The following DCDC1 variants were observed in gnomAD, a reference collection of about 807,000 sequenced individuals.
DCDC1 encodes doublecortin domain containing 1, also known as doublecortin domain-containing protein 1.
In DCDC1, 200 loss-of-function variants were observed where a neutral mutation model predicts 178.3. The observed-to-expected ratio is 1.12, with a 90% CI of 1.00 to 1.26. DCDC1 has a LOEUF of 1.26. Ranked by LOEUF, DCDC1 falls within the 50% of genes most tolerant of loss-of-function variation. DCDC1 has a pLI of 0.00. For missense variants in DCDC1, 1,983 were observed against 1,749.2 expected, an observed-to-expected ratio of 1.13 and a Z score of -2.38; for synonymous variants, 690 against 604.8, an observed-to-expected ratio of 1.14 and a Z score of -2.07.
intron 25 of DCDC1, among the ~76,000 whole-genome samples, chr11:30,918,675 A>G (rs1232855609): frequency 2.6e-5 from 4 of 152,146 alleles, no homozygotes; most frequent in Admixed American, 1.3e-4. Flanking sequence ...AAGGCTATGA[A>G]GCAAGATTAT....
intron 9 of DCDC1, among the ~76,000 whole-genome samples, chr11:31,191,467 C>A (rs1339654562): frequency 6.6e-6 from 1 of 151,974 alleles, no homozygotes; most frequent in African/African-American, 2.4e-5. Flanking sequence ...AGAAGAGAGT[C>A]CTAGAGGTCC....
chr11:31,033,562 A>G (rs1183875808), intron 20 of DCDC1, among the ~76,000 whole-genome samples: 1 of 152,202 alleles, frequency 6.6e-6, no homozygotes, highest in Non-Finnish European at 1.5e-5. Flanking sequence ...GGCTTAAGAT[A>G]AATTCTGAGG....
chr11:30,975,671 T>C lies in DCDC1; in HGVS notation c.2592-23103A>G, dbSNP rs191407022. On this transcript the variant is annotated intron_variant, in intron 20 of 38. Coordinates refer to ENST00000684477, the MANE Select transcript of DCDC1 (RefSeq NM_001387274.1). ...AGATTTAACCAAAGTGAAAGACTTC[T>C]ACAAGGAAAACAACAATACACTGAT... Among the ~76,000 whole-genome samples the C allele has an allele frequency of 3.3e-5, 5 of 152,092 alleles. 1 individual carries two copies. The highest frequency in any genetic ancestry group is 2.6e-4 in the Admixed American group (4 of 15,270).
At chr11:31,082,313 C>T (rs1474406507) in intron 17 of DCDC1, among the ~76,000 whole-genome samples, 1 of 151,890 alleles carries the variant, frequency 6.6e-6, no homozygotes, top group Admixed American at 6.6e-5. Flanking sequence ...AATGATGATA[C>T]TCTTATCACA....
chr11:31,135,432 T>C (rs1461227740), intron 10 of DCDC1, among the ~76,000 whole-genome samples: 3 of 152,338 alleles, frequency 2.0e-5, no homozygotes, highest in Middle Eastern at 3.4e-3. Context: ...AATAGTGTTA[T>C]CTTAAATGCC....
intron 9 of DCDC1, among the ~76,000 whole-genome samples, chr11:31,219,142 A>G (rs539220326): frequency 1.1e-4 from 16 of 152,174 alleles, no homozygotes; most frequent in Non-Finnish European, 1.2e-4. Flanking sequence ...ATTACAAAGC[A>G]AACAATTTAG....
At chr11:31,353,102 A>G (rs546930001) in intron 1 of DCDC1, among the ~76,000 whole-genome samples, 2 of 152,360 alleles carry the variant, frequency 1.3e-5, no homozygotes, top group South Asian at 2.1e-4. Context: ...GACAATACAC[A>G]TAATTTCCAT....
intron 35 of DCDC1, among the ~76,000 whole-genome samples, chr11:30,893,837 T>C (rs1344675099): frequency 6.6e-6 from 1 of 152,208 alleles, no homozygotes; most frequent in Admixed American, 6.5e-5. Context: ...TGAAACCACT[T>C]CTTTAATTCT....
At chr11:31,162,629 T>C (rs569039328) in intron 9 of DCDC1, among the ~76,000 whole-genome samples, 5 of 152,254 alleles carry the variant, frequency 3.3e-5, no homozygotes, top group East Asian at 3.9e-4. Flanking sequence ...AGTCATATCA[T>C]TAACACAGAC....
chr11:30,879,576 T>C (rs531358663), intron 37 of DCDC1, among the ~76,000 whole-genome samples: 2 of 152,308 alleles, frequency 1.3e-5, no homozygotes, highest in East Asian at 1.9e-4. Flanking sequence ...CCTATTGTCA[T>C]AGGAAAGAAA....
chr11:31,206,941 T>C (rs1971935788), intron 9 of DCDC1, among the ~76,000 whole-genome samples: 2 of 152,232 alleles, frequency 1.3e-5, no homozygotes, highest in Admixed American at 1.3e-4. Context: ...ATTTTTAATA[T>C]TGTTTACACT....
intron 25 of DCDC1, among the ~76,000 whole-genome samples, chr11:30,918,324 TAGAACAAAC>T (rs1218050104): frequency 1.3e-5 from 2 of 152,192 alleles, no homozygotes; most frequent in African/African-American, 4.8e-5. Flanking sequence ...TGTTCATTCA[TAGAACAAAC>T]CATTCGTTAG....
At chr11:31,348,849 T>C (rs909796009) in intron 1 of DCDC1, among the ~76,000 whole-genome samples, 1 of 152,202 alleles carries the variant, frequency 6.6e-6, no homozygotes, top group Non-Finnish European at 1.5e-5. Context: ...TTCCTGGTGT[T>C]GTGTAAATAT....
Position 31,305,186 on chromosome 11 carries a change from A to G in DCDC1, c.754+429T>C, listed in dbSNP as rs150156728. ...TGTTCATTATTGGCCACATTTTCAT[A>G]ATTATGTTGATACTATCTGAAAAAA... On this transcript the variant is annotated intron_variant, in intron 6 of 38. Coordinates refer to ENST00000684477, the MANE Select transcript of DCDC1 (RefSeq NM_001387274.1). Among the ~76,000 whole-genome samples, 450 of 152,246 alleles carry G rather than the reference A, an allele frequency of 3.0e-3. 2 individuals carry two copies. Among genetic ancestry groups the G allele is most frequent in the African/African-American group, 1.0e-2 (415 of 41,560 alleles).
At position 31,202,144 on chromosome 11, in the gene DCDC1, C is replaced by T. The variant is rs556976529; in HGVS notation, c.1221+39306G>A. 7.2e-5 allele frequency among the ~76,000 whole-genome samples: 11 copies of T among 152,320 alleles called. 1 individual carries two copies. The South Asian group carries it at 2.3e-3, about 32-fold the overall frequency. Reference sequence around the variant, plus strand: ...CATGAAAAAATACAAGAAGCACAGACTATGCACCCAGGTACCCTGCACCAC... The same window carrying T: ...CATGAAAAAATACAAGAAGCACAGATTATGCACCCAGGTACCCTGCACCAC... On this transcript the variant is annotated intron_variant, in intron 9 of 38. Transcript: ENST00000684477.
chr11:31,331,759 G>C (rs1311121097), intron 2 of DCDC1, among the ~76,000 whole-genome samples: 1 of 152,104 alleles, frequency 6.6e-6, no homozygotes, highest in Non-Finnish European at 1.5e-5. Context: ...GCTTTTTGAT[G>C]TGCTGCTGGA....
intron 6 of DCDC1, among the ~76,000 whole-genome samples, chr11:31,291,208 T>C (rs1010434926): frequency 6.6e-6 from 1 of 152,054 alleles, no homozygotes; most frequent in Non-Finnish European, 1.5e-5. Flanking sequence ...CTTTGCTTAC[T>C]ATAAAACAAC....
At chr11:31,136,153 G>A (rs1174972780) in intron 10 of DCDC1, among the ~76,000 whole-genome samples, 1 of 151,984 alleles carries the variant, frequency 6.6e-6, no homozygotes, top group African/African-American at 2.4e-5. Flanking sequence ...ATACATGGTA[G>A]ATTCACTTTT....
chr11:31,179,378 G>A (rs1044109808), intron 9 of DCDC1, among the ~76,000 whole-genome samples: 2 of 152,092 alleles, frequency 1.3e-5, no homozygotes, highest in South Asian at 2.1e-4. Context: ...CTGTACTCCC[G>A]TTTATTGTAG....
Sources: gnomAD v4.1 joint callset for allele counts (sites outside exome capture counted in the v4.1 genomes callset) on GRCh38, gnomAD v4.1.1 for gene constraint, MANE v1.5 for transcripts, NCBI Gene and HGNC (gene_info 2026-07-23, HGNC 2026-07-21) for gene names.